The following SPTBN2 variants were observed in gnomAD, a reference collection of about 807,000 sequenced individuals.
SPTBN2 encodes spectrin beta chain, non-erythrocytic 2.
In SPTBN2, 107 loss-of-function variants were observed where a neutral mutation model predicts 284.2. The observed-to-expected ratio is 0.38, with a 90% CI of 0.32 to 0.44. The LOEUF is 0.44. SPTBN2 is among the 20% of genes least tolerant of loss of function. The pLI is 1.00. For missense variants in SPTBN2, 2,569 were observed against 3,287.1 expected (o/e 0.78, Z 5.34); for synonymous variants, 1,289 against 1,354.8 (o/e 0.95, Z 1.07).
intron 2 of SPTBN2, 26 bp from the exon 3 acceptor site, chr11:66,721,288 G>A (rs750503127): frequency 1.2e-6 from 2 of 1,612,488 alleles, no homozygotes; most frequent in Admixed American, 3.3e-5. Context: ...GGCCAGTGAG[G>A]GGTGTCCAGG....
chr11:66,718,901 G>A lies in SPTBN2; in HGVS notation c.157+2183C>T, dbSNP rs1015091673. 4.6e-5 allele frequency among the ~76,000 whole-genome samples: 7 copies of A among 152,190 alleles called. No individual in the cohort carries two copies. Among genetic ancestry groups the A allele is most frequent in the Non-Finnish European group, 4.4e-5 (3 of 68,026 alleles). ...GGGAGAGAGGCGGAGTGTGGCCGGCGGGGGCAGGGCCAGGCCCTGCGGGGC... is the reference window on the plus strand; with the variant it reads ...GGGAGAGAGGCGGAGTGTGGCCGGCAGGGGCAGGGCCAGGCCCTGCGGGGC... On this transcript the variant is annotated intron_variant, in intron 3 of 37. Coordinates refer to ENST00000533211, the MANE Select transcript of SPTBN2 (RefSeq NM_006946.4). This position sits in a 1 kb window ranked among gnomAD's most constrained non-coding sequence, Gnocchi z 4.8.
At chr11:66,699,165 C>T in intron 18 of SPTBN2, 83 bp from the exon 19 acceptor site, 1 of 1,535,530 alleles carries the variant, frequency 6.5e-7, no homozygotes, top group Non-Finnish European at 9.0e-7. Flanking sequence ...GCCTCCATTT[C>T]TTCTAGGGGA....
chr11:66,703,767 A>G (rs1941374206), intron 15 of SPTBN2, among the ~76,000 whole-genome samples: 5 of 151,916 alleles, frequency 3.3e-5, no homozygotes, highest in Admixed American at 1.3e-4. Flanking sequence ...ATTTTGTTCT[A>G]TGTGATAATG....
Position 66,721,415 on chromosome 11 carries a change from G to A in SPTBN2, c.-88C>T, listed in dbSNP as rs1293925393. On this transcript the variant is annotated 5_prime_UTR_variant, in exon 2 of 38. Transcript: ENST00000533211. ...TGCTCAGTGGAAATCAGCCCCCAGG[G>A]GAAGAGGGGAAGCCACCTGGGAAGC... is the stretch of plus-strand genomic sequence containing the variant. 4 of 805,830 alleles carry A rather than the reference G, an allele frequency of 5.0e-6. No individual in the cohort carries two copies. The African/African-American group carries it at 5.1e-5, about 10-fold the overall frequency. The allele number at this position is 805,830 out of a possible 1,614,324, so 49.9% of individuals were successfully genotyped here.
chr11:66,706,786 C>T (rs1233926805), intron 13 of SPTBN2, among the ~76,000 whole-genome samples: 1 of 151,858 alleles, frequency 6.6e-6, no homozygotes, highest in East Asian at 1.9e-4. Flanking sequence ...TGCGCTACCA[C>T]CGCACCTGGT....
At chr11:66,709,061 G>A (rs199614641) in intron 10 of SPTBN2, 42 bp from the exon 11 acceptor site, 10 of 1,538,816 alleles carry the variant, frequency 6.5e-6, no homozygotes, top group South Asian at 3.4e-5. Flanking sequence ...TAAAGCCCAC[G>A]AGGGTCACAA....
chr11:66,692,872 T>TC lies in SPTBN2; in HGVS notation c.4985+97dup, dbSNP rs944738719. The TC allele has an allele frequency of 1.3e-5, 20 of 1,595,862 alleles. No individual in the cohort carries two copies. In the African/African-American group the frequency reaches 2.5e-4, roughly 20 times the overall value. On this transcript the variant is annotated intron_variant, in intron 25 of 37. Transcript: ENST00000533211. ...CCTGTGTTCCAGCTTTCTAGAAGGC[T>TC]CCGTGCACACAGCACTGAAGGCTCC...
In SPTBN2 at chr11:66,691,281, G is replaced by C; in HGVS notation, c.5565+3C>G. The C allele has an allele frequency of 6.5e-7, 1 of 1,528,980 alleles. No individual in the cohort carries two copies. The highest frequency in any genetic ancestry group is 1.3e-5 in the South Asian group (1 of 77,854). 94.7% of individuals were successfully genotyped at this position (1,528,980 alleles called of 1,614,324 possible). Reference sequence around the variant, plus strand: ...CCCCCACCTCCTCATGCTTGGGTCAGACCTGGGGGCTGAGGGCCTGAATGT... The same window carrying C: ...CCCCCACCTCCTCATGCTTGGGTCACACCTGGGGGCTGAGGGCCTGAATGT... On this transcript the variant is annotated splice_donor_region_variant and intron_variant, in intron 27 of 37. Coordinates refer to ENST00000533211, the MANE Select transcript of SPTBN2 (RefSeq NM_006946.4). This position sits in a 1 kb window ranked among gnomAD's most constrained non-coding sequence, Gnocchi z 8.0.
Position 66,691,217 on chromosome 11 carries a change from A to G in SPTBN2, c.5565+67T>C. 1.3e-6 allele frequency: 2 copies of G among 1,492,954 alleles called. No individual in the cohort carries two copies. The highest frequency in any genetic ancestry group is 1.8e-6 in the Non-Finnish European group (2 of 1,120,226). 92.5% of individuals were successfully genotyped at this position (1,492,954 alleles called of 1,614,324 possible). A position where few individuals can be genotyped will look rare whatever the true frequency, so the allele number is the denominator to read the frequency against. ...CTGAGCTCTACCCTAGCTCCTGGGA[A>G]CTCTCCCCGGCATTTCCCCCATGGC... On this transcript the variant is annotated intron_variant, in intron 27 of 37. Transcript: ENST00000533211. The surrounding 1 kb of genome is among the most constrained non-coding windows in gnomAD (Gnocchi z 8.0).
chr11:66,738,540 G>A (rs934870581), intron 1 of SPTBN2, among the ~76,000 whole-genome samples: 2 of 152,126 alleles, frequency 1.3e-5, no homozygotes, highest in Admixed American at 6.5e-5. Context: ...TTTTTGAGAC[G>A]AAGTCTCTCT....
upstream of SPTBN2, among the ~76,000 whole-genome samples, chr11:66,729,739 T>C (rs1469917535): frequency 6.6e-6 from 1 of 152,176 alleles, no homozygotes; most frequent in African/African-American, 2.4e-5. Context: ...TCTGTGCTTC[T>C]ACCACGAAAC....
chr11:66,718,433 C>T lies in SPTBN2; in HGVS notation c.158-2452G>A, dbSNP rs942819000. Among the ~76,000 whole-genome samples the T allele has an allele frequency of 7.9e-5, 12 of 152,224 alleles. No individual in the cohort carries two copies. Among genetic ancestry groups the T allele is most frequent in the South Asian group, 2.1e-4 (1 of 4,832 alleles). On this transcript the variant is annotated intron_variant, in intron 3 of 37. Transcript: ENST00000533211. This position sits in a 1 kb window ranked among gnomAD's most constrained non-coding sequence, Gnocchi z 4.8. ...CACAGTCGTCCCCACAGGGGGCCCC[C>T]GGGCCTCACCTTGCAGCTGTTTGAA...
intron 3 of SPTBN2, among the ~76,000 whole-genome samples, chr11:66,720,119 A>C (rs1320997051): frequency 6.6e-6 from 1 of 152,132 alleles, no homozygotes; most frequent in Non-Finnish European, 1.5e-5. Flanking sequence ...TATTTGTAAA[A>C]AACATCCCTG....
rs201295903 is a variant in SPTBN2 at position 66,700,599 on chromosome 11, C to A, written c.3500G>T (p.Arg1167Leu). 5.0e-6 allele frequency: 8 copies of A among 1,607,672 alleles called. No individual in the cohort carries two copies. The highest frequency in any genetic ancestry group is 2.5e-6 in the Non-Finnish European group (3 of 1,179,992). ...LGRMWESRQGRLAQAHGFQGF... is the reference protein window; with the variant it reads ...LGRMWESRQGLLAQAHGFQGF... ...CTGGAAGCCGTGGGCCTGGGCCAGGCGACCTTGCCGGCTCTCCCACATTCG... is the reference window on the plus strand; with the variant it reads ...CTGGAAGCCGTGGGCCTGGGCCAGGAGACCTTGCCGGCTCTCCCACATTCG... The change falls in exon 17 of 38, where the codon CGC becomes CTC. Residue 1167 changes from arginine to leucine, a missense_variant. By Grantham distance (102) the Arg-to-Leu change is moderately radical. Transcript: ENST00000533211. The surrounding 1 kb of genome is among the most constrained non-coding windows in gnomAD (Gnocchi z 6.6).
chr11:66,719,850 T>C (rs1407653828), intron 3 of SPTBN2, among the ~76,000 whole-genome samples: 1 of 152,196 alleles, frequency 6.6e-6, no homozygotes, highest in Non-Finnish European at 1.5e-5. Context: ...ACATTCTCCA[T>C]AACCCACACC....
chr11:66,689,971 T>TGCTGCCCACAGCCCCATC (rs774076002), intron 28 of SPTBN2, 28 bp from the exon 29 acceptor site: 43 of 1,613,260 alleles, frequency 2.7e-5, no homozygotes, highest in Non-Finnish European at 3.5e-5. Context: ...CAGCATCACC[T>TGCTGCCCACAGCCCCATC]GCTGCCCACA....
intron 1 of SPTBN2, among the ~76,000 whole-genome samples, chr11:66,742,469 G>T (rs1371023586): frequency 2.0e-5 from 3 of 152,178 alleles, no homozygotes; most frequent in African/African-American, 7.2e-5. Flanking sequence ...CTTTATCCCT[G>T]AAGTTCATTC....
chr11:66,744,375 TA>T (rs1942937373), intron 1 of SPTBN2: 1 of 153,792 alleles, frequency 6.5e-6, no homozygotes, highest in Non-Finnish European at 1.4e-5. Flanking sequence ...ACCCGCTTGG[TA>T]GCCCCGCGCC....
At chr11:66,698,921 C>T in intron 19 of SPTBN2, 71 bp downstream of exon 19, 1 of 1,605,620 alleles carries the variant, frequency 6.2e-7, no homozygotes. Flanking sequence ...GTACCTTGTG[C>T]TGGACTTATT....
Sources: allele counts gnomAD v4.1 joint callset (sites outside exome capture counted in the v4.1 genomes callset), GRCh38; gene constraint gnomAD v4.1.1; non-coding constraint Gnocchi (gnomAD v3.1); transcripts MANE v1.5; gene names NCBI Gene and HGNC (gene_info 2026-07-23, HGNC 2026-07-21).